Variants in ALDH3B2 observed in about 807,000 individuals in gnomAD.
ALDH3B2 encodes aldehyde dehydrogenase 3 family member B2, also known as aldehyde dehydrogenase family 3 member B2.
ALDH3B2 carries 45 observed loss-of-function variants against 36.7 expected under a neutral mutation model. That is an observed-to-expected ratio of 1.23 (90% confidence interval 0.97 to 1.57). ALDH3B2 has a LOEUF of 1.57. Among genes scored for constraint, ALDH3B2 ranks in the 40% most tolerant of loss-of-function variants. The pLI is 0.00. For synonymous variants in ALDH3B2, 217 were observed against 226.5 expected (o/e 0.96, Z 0.38); for missense variants, 464 against 513.3 (o/e 0.90, Z 0.93).
chr11:67,666,182 C>T (rs776679170), exon 6 of ALDH3B2: 1 of 1,614,186 alleles, frequency 6.2e-7, no homozygotes. Flanking sequence ...TGGGGTCCGC[C>T]CAGCACCACG....
exon 8 of ALDH3B2, chr11:67,664,519 C>T (rs1855842697): frequency 2.5e-6 from 4 of 1,613,966 alleles, no homozygotes; most frequent in South Asian, 1.1e-5. Flanking sequence ...TCTCCTCCTG[C>T]ATCACAGGCT....
At chr11:67,663,375 T>A in exon 10 of ALDH3B2, 4 of 1,613,206 alleles carry the variant, frequency 2.5e-6, no homozygotes, top group Non-Finnish European at 2.5e-6. Flanking sequence ...GAACTTGCCG[T>A]GGTACCGGCC....
intron 6 of ALDH3B2, 23 bp downstream of exon 6, chr11:67,666,099 G>A (rs1358649326): frequency 1.2e-6 from 2 of 1,613,050 alleles, no homozygotes; most frequent in Non-Finnish European, 8.5e-7. Flanking sequence ...ACCTACTCTG[G>A]GACCCTGGCC....
chr11:67,679,224 T>A (rs541556283), upstream of ALDH3B2, among the ~76,000 whole-genome samples: 31 of 152,140 alleles, frequency 2.0e-4, no homozygotes, highest in African/African-American at 7.2e-4. Context: ...TTCCAGCACT[T>A]CGGGAGGCTG....
At chr11:67,672,099 A>ATG (rs1565250114) in intron 1 of ALDH3B2, among the ~76,000 whole-genome samples, 1 of 45,642 alleles carries the variant, frequency 2.2e-5, no homozygotes, top group Non-Finnish European at 4.3e-5. Flanking sequence ...GTATGTATGT[A>ATG]TTTTGTGTGT....
chr11:67,665,411 C>T (rs778020728), exon 7 of ALDH3B2: 30 of 1,613,936 alleles, frequency 1.9e-5, no homozygotes, highest in Middle Eastern at 3.3e-4. Context: ...CTCTGGGGGT[C>T]GTCGCCATAG....
Position 67,666,216 on chromosome 11 carries a change from A to C in ALDH3B2, c.238-13T>G, listed in dbSNP as rs749948334. On this transcript the variant is annotated splice_polypyrimidine_tract_variant and intron_variant, in intron 5 of 9. Coordinates refer to ENST00000349015, the Ensembl canonical transcript of ALDH3B2. ...CGGCAAAGCAGCTCTGCAAGGTGGA[A>C]TGAGAGGCTCGGGGCGGGCTCGGGG... The C allele has an allele frequency of 2.5e-6, 4 of 1,597,986 alleles. No individual in the cohort carries two copies. In the Admixed American group the frequency reaches 5.2e-5, roughly 21 times the overall value.
At chr11:67,669,070 T>TGTGTGTCTTCGTGTGTCC (rs1856003147) in intron 1 of ALDH3B2, among the ~76,000 whole-genome samples, 1 of 151,832 alleles carries the variant, frequency 6.6e-6, no homozygotes, top group African/African-American at 2.4e-5. Flanking sequence ...TATGGGTGTC[T>TGTGTGTCTTCGTGTGTCC]GTGTGTCTTC....
chr11:67,672,614 A>C (rs1856159119), intron 1 of ALDH3B2, among the ~76,000 whole-genome samples: 1 of 150,476 alleles, frequency 6.6e-6, no homozygotes, highest in South Asian at 2.1e-4. Context: ...TTTAAGATGG[A>C]GTCTCATTCT....
exon 2 of ALDH3B2, chr11:67,667,501 C>T (rs918305625): frequency 1.1e-4 from 42 of 390,324 alleles, no homozygotes; most frequent in Non-Finnish European, 1.7e-4. Flanking sequence ...CAGCACGTCG[C>T]GCAGAAGCTG....
intron 1 of ALDH3B2, among the ~76,000 whole-genome samples, chr11:67,672,102 TTG>T (rs71058721): frequency 0.032 from 1,611 of 49,828 alleles, 134 homozygotes; most frequent in African/African-American, 0.054. Context: ...TGTATGTATT[TTG>T]TGTGTGTGTG....
exon 6 of ALDH3B2, chr11:67,666,160 T>C: frequency 6.2e-7 from 1 of 1,614,182 alleles, no homozygotes; most frequent in Non-Finnish European, 8.5e-7. Flanking sequence ...CTCTAGCAGC[T>C]GCCCTGTCTC....
intron 1 of ALDH3B2, among the ~76,000 whole-genome samples, chr11:67,668,380 G>A (rs1310908776): frequency 6.6e-6 from 1 of 152,176 alleles, no homozygotes; most frequent in African/African-American, 2.4e-5. Context: ...GGGAACCCCA[G>A]TGGGGTCTGG....
chr11:67,666,267 G>T, intron 5 of ALDH3B2, 49 bp downstream of exon 5: 1 of 1,612,612 alleles, frequency 6.2e-7, no homozygotes, highest in Non-Finnish European at 8.5e-7. Context: ...CAGCCCACAG[G>T]GGTGATATAT....
exon 6 of ALDH3B2, chr11:67,666,173 G>C: frequency 6.2e-7 from 1 of 1,614,188 alleles, no homozygotes; most frequent in South Asian, 1.1e-5. Flanking sequence ...CCTGTCTCCT[G>C]GGGTCCGCCC....
intron 1 of ALDH3B2, among the ~76,000 whole-genome samples, chr11:67,672,289 G>A (rs1856150243): frequency 6.7e-6 from 1 of 148,468 alleles, no homozygotes; most frequent in African/African-American, 2.5e-5. Context: ...CTGAATAGCT[G>A]GGATTATAGG....
intron 8 of ALDH3B2, chr11:67,664,100 G>A (rs1263300757): frequency 5.2e-6 from 3 of 571,922 alleles, no homozygotes; most frequent in Non-Finnish European, 9.3e-6. Flanking sequence ...GCTCTGCTCT[G>A]TCCCTGACCT....
upstream of ALDH3B2, among the ~76,000 whole-genome samples, chr11:67,675,232 T>C (rs1285984871): frequency 6.6e-6 from 1 of 152,136 alleles, no homozygotes; most frequent in Non-Finnish European, 1.5e-5. Flanking sequence ...CAACCGTGGG[T>C]AGGTTACTTA....
At chr11:67,676,389 TA>T (rs1466374913), upstream of ALDH3B2, among the ~76,000 whole-genome samples, 1 of 151,880 alleles carries the variant, frequency 6.6e-6, no homozygotes, top group Non-Finnish European at 1.5e-5. Context: ...AGATGGAAAT[TA>T]AAAAATTCTT....
Sources: gnomAD v4.1 joint callset for allele counts (sites outside exome capture counted in the v4.1 genomes callset) on GRCh38, gnomAD v4.1.1 for gene constraint, MANE v1.5 for transcripts, NCBI Gene and HGNC (gene_info 2026-07-23, HGNC 2026-07-21) for gene names.